The following SYN3 variants were observed in gnomAD, a reference collection of about 807,000 sequenced individuals.
SYN3 encodes the protein synapsin-3.
SYN3 carries 35 observed loss-of-function variants against 65.8 expected under a neutral mutation model. The ratio of observed to expected loss-of-function variants is 0.53; its 90% CI spans 0.41 to 0.70. The LOEUF (loss-of-function observed/expected upper bound fraction) is 0.70. SYN3 is among the 30% of genes least tolerant of loss of function. SYN3 has a pLI of 0.00. For missense variants in SYN3, 680 were observed against 749.0 expected (o/e 0.91, Z 1.08); for synonymous variants, 270 against 292.9 (o/e 0.92, Z 0.80).
intron 7 of SYN3, among the ~76,000 whole-genome samples, chr22:32,567,855 T>C (rs1270718003): frequency 6.6e-6 from 1 of 151,732 alleles, no homozygotes; most frequent in Non-Finnish European, 1.5e-5. Flanking sequence ...GAAGAGGAGG[T>C]TTATTGAACT....
intron 4 of SYN3, among the ~76,000 whole-genome samples, chr22:32,885,464 C>A (rs1473305059): frequency 6.6e-6 from 1 of 152,182 alleles, no homozygotes; most frequent in Non-Finnish European, 1.5e-5. Context: ...GAAAAAGAGT[C>A]TCTTTCTTGT....
intron 1 of SYN3, among the ~76,000 whole-genome samples, chr22:33,033,552 T>A (rs907719596): frequency 6.6e-6 from 1 of 152,100 alleles, no homozygotes; most frequent in African/African-American, 2.4e-5. Context: ...GACTCCCCCA[T>A]GGAATGGCCT....
chr22:32,915,578 A>C (rs540262223), intron 4 of SYN3, among the ~76,000 whole-genome samples: 1 of 152,214 alleles, frequency 6.6e-6, no homozygotes, highest in Non-Finnish European at 1.5e-5. Context: ...GTTAATATCT[A>C]GGGGAAAAGC....
At chr22:32,750,512 G>A (rs1397086515) in intron 6 of SYN3, among the ~76,000 whole-genome samples, 2 of 152,230 alleles carry the variant, frequency 1.3e-5, no homozygotes, top group South Asian at 2.1e-4. Context: ...GGCAGCGGGT[G>A]TAGATCATGT....
rs559021789 is a variant in SYN3, at chr22:32,837,648, T to C, written c.711+27267A>G. 6.6e-5 allele frequency among the ~76,000 whole-genome samples: 10 copies of C among 152,248 alleles called. No individual in the cohort carries two copies. Among genetic ancestry groups the C allele is most frequent in the South Asian group, 2.1e-4 (1 of 4,816 alleles). ...ACCCAGGCTTGTTTCTAGGGGTTTCTTGGGGCTTCGGGGGCCTCCTGTCAA... is the reference window on the plus strand; with the variant it reads ...ACCCAGGCTTGTTTCTAGGGGTTTCCTGGGGCTTCGGGGGCCTCCTGTCAA... On this transcript the variant is annotated intron_variant, in intron 6 of 13. Coordinates refer to ENST00000358763, the MANE Select transcript of SYN3 (RefSeq NM_003490.4). The surrounding 1 kb of genome is among the most constrained non-coding windows in gnomAD (Gnocchi z 4.1).
At chr22:32,596,312 T>C (rs1034551393) in intron 7 of SYN3, among the ~76,000 whole-genome samples, 6 of 152,214 alleles carry the variant, frequency 3.9e-5, no homozygotes, top group African/African-American at 1.4e-4. Context: ...AATAAAGAGA[T>C]GAGTAAGACA....
intron 3 of SYN3, among the ~76,000 whole-genome samples, chr22:32,941,177 C>A (rs1460253701): frequency 2.6e-5 from 4 of 152,254 alleles, no homozygotes; most frequent in Non-Finnish European, 5.9e-5. Flanking sequence ...TTAGTATGGT[C>A]AGCTGGTTGA....
At chr22:32,622,031 G>T (rs1424412255) in intron 6 of SYN3, among the ~76,000 whole-genome samples, 1 of 151,970 alleles carries the variant, frequency 6.6e-6, no homozygotes, top group Non-Finnish European at 1.5e-5. Context: ...TACAGGAAGG[G>T]TGGAGTGAGC....
At chr22:32,613,497 C>T (rs1304425126) in intron 6 of SYN3, among the ~76,000 whole-genome samples, 2 of 152,138 alleles carry the variant, frequency 1.3e-5, no homozygotes, top group Admixed American at 1.3e-4. Context: ...TGGAGTTAAT[C>T]CTGCCAACAA....
chr22:32,529,150 C>A, intron 10 of SYN3, 142 bp from the exon 11 acceptor site: 1 of 1,017,750 alleles, frequency 9.8e-7, no homozygotes, highest in Non-Finnish European at 1.5e-6. Flanking sequence ...TCACCTCCAG[C>A]TGGGACTGGC....
intron 4 of SYN3, 128 bp from the exon 5 acceptor site, chr22:32,869,253 G>T: frequency 1.0e-6 from 1 of 957,986 alleles, no homozygotes; most frequent in Non-Finnish European, 1.6e-6. Context: ...GTGGGAGCAG[G>T]TGGGGGATGA....
intron 6 of SYN3, among the ~76,000 whole-genome samples, chr22:32,604,818 A>T (rs377101291): frequency 2.0e-5 from 3 of 151,970 alleles, no homozygotes; most frequent in East Asian, 3.9e-4. Flanking sequence ...ATCCTGGCTA[A>T]CACGGTGAAA....
At chr22:32,691,762 T>C (rs968680517) in intron 6 of SYN3, among the ~76,000 whole-genome samples, 1 of 151,546 alleles carries the variant, frequency 6.6e-6, no homozygotes, top group East Asian at 2.0e-4. Context: ...AAGTGAGGCA[T>C]GGGGCAGAGA....
intron 9 of SYN3, among the ~76,000 whole-genome samples, chr22:32,536,139 G>C (rs561890834): frequency 3.9e-5 from 6 of 152,232 alleles, no homozygotes; most frequent in Non-Finnish European, 7.3e-5. Flanking sequence ...GGAGGCACTG[G>C]GGAAGGCTGG....
chr22:32,519,987 C>T (rs931403141), intron 12 of SYN3, among the ~76,000 whole-genome samples: 1 of 152,094 alleles, frequency 6.6e-6, no homozygotes, highest in African/African-American at 2.4e-5. Flanking sequence ...TTATTTTCAT[C>T]CCCTACCCCC....
At chr22:32,959,122 G>A (rs774598084) in intron 3 of SYN3, among the ~76,000 whole-genome samples, 3 of 152,098 alleles carry the variant, frequency 2.0e-5, no homozygotes, top group Admixed American at 6.6e-5. Flanking sequence ...GTCCCAGTGG[G>A]AGATAATTGA....
At chr22:32,949,326 G>T (rs1235218583) in intron 3 of SYN3, among the ~76,000 whole-genome samples, 1 of 151,966 alleles carries the variant, frequency 6.6e-6, no homozygotes, top group East Asian at 1.9e-4. Context: ...GCTCAGGCAG[G>T]AGGATGCTTG....
At chr22:33,002,661 C>CA (rs370492167) in intron 2 of SYN3, among the ~76,000 whole-genome samples, 3,589 of 151,744 alleles carry the variant, frequency 0.024, 148 homozygotes, top group African/African-American at 0.081. Context: ...CAAAACAAAA[C>CA]AAAAAAAACT....
At position 32,769,776 on chromosome 22, in the gene SYN3, C is replaced by T. The variant is rs148937073; in HGVS notation, c.711+95139G>A. On this transcript the variant is annotated intron_variant, in intron 6 of 13. Coordinates refer to ENST00000358763, the MANE Select transcript of SYN3 (RefSeq NM_003490.4). ...AGATGATCCGCCTGTCTCGGCCTCC[C>T]AAAGTGCTGGGATTACAGGCATGAG... Among the ~76,000 whole-genome samples the T allele has an allele frequency of 1.8e-3, 270 of 152,228 alleles. 1 individual carries two copies. Among genetic ancestry groups the T allele is most frequent in the African/African-American group, 6.2e-3 (258 of 41,526 alleles).
Sources: gnomAD v4.1 joint callset for allele counts (sites outside exome capture counted in the v4.1 genomes callset) on GRCh38, gnomAD v4.1.1 for gene constraint, Gnocchi (gnomAD v3.1) non-coding constraint, MANE v1.5 for transcripts, NCBI Gene and HGNC (gene_info 2026-07-23, HGNC 2026-07-21) for gene names.